Variants in TRPS1 observed in about 807,000 individuals in gnomAD.
TRPS1 encodes zinc finger transcription factor Trps1.
TRPS1 carries 6 observed loss-of-function variants against 101.2 expected under a neutral mutation model. The ratio of observed to expected loss-of-function variants is 0.06; its 90% CI spans 0.03 to 0.12. The LOEUF is 0.12. TRPS1 is among the 10% of genes least tolerant of loss of function. TRPS1 has a pLI of 1.00. For synonymous variants in TRPS1, 578 were observed against 589.8 expected (o/e 0.98, Z 0.29); for missense variants, 1,363 against 1,567.0 (o/e 0.87, Z 2.20).
At chr8:115,483,532 C>CA (rs67338348) in intron 5 of TRPS1, among the ~76,000 whole-genome samples, 250 of 109,938 alleles carry the variant, frequency 2.3e-3, no homozygotes, top group African/African-American at 7.2e-3. Flanking sequence ...GACCTTGTCT[C>CA]AAAAAAAAAA....
rs537354921 is a variant in TRPS1, at chr8:115,620,025, C to T, written c.73G>A (p.Val25Ile). Reference protein sequence around the residue: ...VRKKNPPLRNVASEGEGQILE... With the variant: ...VRKKNPPLRNIASEGEGQILE... Reference sequence around the variant, plus strand: ...ATCTGGCCCTCGCCTTCACTTGCAACGTTTCTCAGAGGGGGGTTCTTTTTC... The same window carrying T: ...ATCTGGCCCTCGCCTTCACTTGCAATGTTTCTCAGAGGGGGGTTCTTTTTC... The change falls in exon 3 of 7, where the codon GTT becomes ATT. Residue 25 changes from valine (V) to isoleucine (I), a missense_variant. Physicochemically the swap from Val to Ile is conservative, Grantham distance 29 (BLOSUM62 3). Transcript: ENST00000395715. 5.3e-5 allele frequency: 86 copies of T among 1,614,118 alleles called. No homozygotes were observed. The highest frequency in any genetic ancestry group is 2.4e-4 in the South Asian group (22 of 91,076).
intron 5 of TRPS1, among the ~76,000 whole-genome samples, chr8:115,476,005 CTTTT>C (rs1169514340): frequency 2.5e-5 from 1 of 40,670 alleles, no homozygotes; most frequent in Non-Finnish European, 3.8e-5. Context: ...AATATACTTT[CTTTT>C]TTTTTTTTTT....
chr8:115,554,775 C>G (rs1816779381), intron 5 of TRPS1, among the ~76,000 whole-genome samples: 1 of 152,002 alleles, frequency 6.6e-6, no homozygotes, highest in Non-Finnish European at 1.5e-5. Context: ...GAAAAGGGGG[C>G]AAGTCAATGG....
At chr8:115,592,125 G>A (rs945335811) in intron 4 of TRPS1, among the ~76,000 whole-genome samples, 6 of 152,188 alleles carry the variant, frequency 3.9e-5, no homozygotes, top group Admixed American at 3.9e-4. Context: ...GCAATGGTTT[G>A]CAAAACAGGC....
At chr8:115,468,098 T>TCC (rs1814372404) in intron 5 of TRPS1, among the ~76,000 whole-genome samples, 1 of 152,204 alleles carries the variant, frequency 6.6e-6, no homozygotes, top group Non-Finnish European at 1.5e-5. Context: ...AGTTTCAATT[T>TCC]CCGAAATACG....
At chr8:115,570,614 G>T (rs889938659) in intron 5 of TRPS1, among the ~76,000 whole-genome samples, 2 of 151,452 alleles carry the variant, frequency 1.3e-5, no homozygotes, top group African/African-American at 4.9e-5. Flanking sequence ...TCATATCTTT[G>T]TTCTACTGTG....
At chr8:115,504,627 A>G (rs1194991405) in intron 5 of TRPS1, among the ~76,000 whole-genome samples, 1 of 152,168 alleles carries the variant, frequency 6.6e-6, no homozygotes, top group East Asian at 1.9e-4. Flanking sequence ...CAGGTTCAAT[A>G]GTCTTGTTAA....
chr8:115,487,542 G>A (rs1000222153), intron 5 of TRPS1, among the ~76,000 whole-genome samples: 1 of 152,154 alleles, frequency 6.6e-6, no homozygotes, highest in African/African-American at 2.4e-5. Context: ...CACTCTAGAT[G>A]GCATTAAGAA....
At chr8:115,654,258 G>A (rs549301205) in intron 1 of TRPS1, among the ~76,000 whole-genome samples, 1 of 152,156 alleles carries the variant, frequency 6.6e-6, no homozygotes, top group African/African-American at 2.4e-5. Context: ...GAAAAATAGA[G>A]GCATTAAATG....
At position 115,565,913 on chromosome 8, in the gene TRPS1, C is replaced by T. The variant is rs189961614; in HGVS notation, c.2700+21088G>A. Reference sequence around the variant, plus strand: ...TTCTTATCACACCAAATTAAAAGGACGAAAGACATTTACTTGAAACTTCAA... The same window carrying T: ...TTCTTATCACACCAAATTAAAAGGATGAAAGACATTTACTTGAAACTTCAA... On this transcript the variant is annotated intron_variant, in intron 5 of 6. Transcript: ENST00000395715. Among the ~76,000 whole-genome samples the T allele has an allele frequency of 3.9e-5, 6 of 151,982 alleles. No homozygotes were observed. The South Asian group carries it at 8.3e-4, about 21-fold the overall frequency.
In TRPS1 at chr8:115,587,250, C is replaced by A. The variant is rs770052582; in HGVS notation, c.2451G>T (p.Pro817=). 7.4e-6 allele frequency: 12 copies of A among 1,614,216 alleles called. No homozygotes were observed. The highest frequency in any genetic ancestry group is 1.1e-5 in the South Asian group (1 of 91,082). The change falls in exon 5 of 7, where the codon CCG becomes CCT. Residue 817 remains proline, a synonymous_variant. Coordinates refer to ENST00000395715, the MANE Select transcript of TRPS1 (RefSeq NM_014112.5). The part of the protein sequence containing the change: ...WRGADILRGS[P]SYTQASLGLL... ...GCCCCAGGCTTGCTTGGGTGTATGA[C>A]GGACTCCCCCGCAGGATGTCTGCCC...
At chr8:115,518,684 T>C (rs1260142776) in intron 5 of TRPS1, among the ~76,000 whole-genome samples, 1 of 151,816 alleles carries the variant, frequency 6.6e-6, no homozygotes, top group East Asian at 1.9e-4. Flanking sequence ...AGAAAATTAT[T>C]AGGGACAGTG....
At chr8:115,535,761 G>GTA (rs545119813) in intron 5 of TRPS1, among the ~76,000 whole-genome samples, 54 of 150,780 alleles carry the variant, frequency 3.6e-4, no homozygotes, top group Non-Finnish European at 5.3e-4. Flanking sequence ...ATGTATATGT[G>GTA]TATATATATA....
intron 5 of TRPS1, among the ~76,000 whole-genome samples, chr8:115,550,600 A>G (rs1014233794): frequency 2.6e-5 from 4 of 152,218 alleles, no homozygotes; most frequent in Non-Finnish European, 5.9e-5. Flanking sequence ...GCTACTTTGC[A>G]AAGTAGTGAC....
intron 5 of TRPS1, among the ~76,000 whole-genome samples, chr8:115,550,705 T>C (rs1033175925): frequency 2.6e-5 from 4 of 152,190 alleles, no homozygotes; most frequent in African/African-American, 7.2e-5. Flanking sequence ...TTGGAGGTTG[T>C]TCTATTTGAC....
At chr8:115,557,709 T>C (rs1816855606) in intron 5 of TRPS1, among the ~76,000 whole-genome samples, 2 of 152,168 alleles carry the variant, frequency 1.3e-5, no homozygotes, top group Admixed American at 1.3e-4. Flanking sequence ...CTTTGCAAAT[T>C]ACCCAGTCTT....
intron 1 of TRPS1, among the ~76,000 whole-genome samples, chr8:115,640,465 G>T (rs1287344225): frequency 6.6e-6 from 1 of 152,200 alleles, no homozygotes; most frequent in Non-Finnish European, 1.5e-5. Context: ...ACGACAAAAT[G>T]ATGTGCATGG....
rs955953508 is a variant in TRPS1 at position 115,412,708 on chromosome 8, C to T, written c.*1315G>A. On this transcript the variant is annotated 3_prime_UTR_variant, in exon 7 of 7. Coordinates refer to ENST00000395715, the MANE Select transcript of TRPS1 (RefSeq NM_014112.5). ...TAAAGTCAGTCCTTGTACATACATC[C>T]TTGTAGCAAGCATTGAGGCTCGACT... 2 of 152,474 alleles carry T rather than the reference C, an allele frequency of 1.3e-5. No homozygotes were observed. The highest frequency in any genetic ancestry group is 2.4e-5 in the African/African-American group (1 of 41,404). The allele number at this position is 152,474 out of a possible 1,614,324, so 9.4% of individuals were successfully genotyped here.
intron 3 of TRPS1, among the ~76,000 whole-genome samples, chr8:115,613,591 A>C (rs1818217491): frequency 6.6e-6 from 1 of 152,180 alleles, no homozygotes; most frequent in African/African-American, 2.4e-5. Context: ...TTTACATCCC[A>C]TTCTCTCTAC....
Sources: allele counts gnomAD v4.1 joint callset (sites outside exome capture counted in the v4.1 genomes callset), GRCh38; gene constraint gnomAD v4.1.1; transcripts MANE v1.5; gene names NCBI Gene and HGNC (gene_info 2026-07-23, HGNC 2026-07-21).